Variants in SDK1 observed in about 807,000 individuals in gnomAD.
SDK1 encodes the protein protein sidekick-1.
A neutral mutation model predicts 245.5 loss-of-function variants in SDK1; 157 were observed. The observed-to-expected ratio is 0.64, with a 90% CI of 0.56 to 0.73. The LOEUF is 0.73. Ranked by LOEUF, SDK1 falls within the 30% of genes least tolerant of loss-of-function variation. The pLI, the probability that SDK1 is intolerant of heterozygous loss-of-function variation, is 0.00. For synonymous variants in SDK1, 1,647 were observed against 1,278.5 expected (o/e 1.29, Z -6.15); for missense variants, 3,583 against 3,002.3 (o/e 1.19, Z -4.52).
chr7:4,189,252 C>T (rs1398051254), intron 35 of SDK1, among the ~76,000 whole-genome samples: 1 of 151,894 alleles, frequency 6.6e-6, no homozygotes, highest in Non-Finnish European at 1.5e-5. Context: ...TCATTCCTGG[C>T]AGTTTTATTG....
chr7:3,767,228 A>G (rs1418160143), intron 4 of SDK1, among the ~76,000 whole-genome samples: 1 of 152,170 alleles, frequency 6.6e-6, no homozygotes, highest in Non-Finnish European at 1.5e-5. Context: ...AGGTAGAGTC[A>G]GAAGACCACT....
chr7:3,308,668 G>T (rs957623154), intron 1 of SDK1, among the ~76,000 whole-genome samples: 112 of 152,136 alleles, frequency 7.4e-4, no homozygotes, highest in African/African-American at 2.6e-3. Context: ...TTTTTAAATG[G>T]ATAAGGCTAG....
intron 4 of SDK1, among the ~76,000 whole-genome samples, chr7:3,649,876 G>A (rs1782954933): frequency 6.6e-6 from 1 of 151,760 alleles, no homozygotes; most frequent in African/African-American, 2.4e-5. Flanking sequence ...AGGCACAGAG[G>A]CCAGAAACAG....
At chr7:3,874,935 T>G (rs1319527046) in intron 5 of SDK1, among the ~76,000 whole-genome samples, 1 of 152,184 alleles carries the variant, frequency 6.6e-6, no homozygotes, top group Non-Finnish European at 1.5e-5. Context: ...GAAGCTGTCT[T>G]AGGTTTCTCA....
chr7:3,454,666 G>C (rs560967216), intron 1 of SDK1, among the ~76,000 whole-genome samples: 3 of 152,052 alleles, frequency 2.0e-5, no homozygotes, highest in Non-Finnish European at 4.4e-5. Context: ...CTGATTTGTT[G>C]TGTTTATCAA....
At chr7:3,315,850 G>C (rs1235093963) in intron 1 of SDK1, among the ~76,000 whole-genome samples, 3 of 152,110 alleles carry the variant, frequency 2.0e-5, no homozygotes, top group Non-Finnish European at 4.4e-5. Flanking sequence ...TCCTATTTGA[G>C]GGAACTTGAA....
At chr7:3,910,382 G>C (rs370184000) in intron 5 of SDK1, among the ~76,000 whole-genome samples, 1 of 152,202 alleles carries the variant, frequency 6.6e-6, no homozygotes, top group Non-Finnish European at 1.5e-5. Flanking sequence ...TGGAGAATTT[G>C]CATGTGTAGG....
chr7:3,334,641 C>G (rs1780153342), intron 1 of SDK1, among the ~76,000 whole-genome samples: 1 of 152,152 alleles, frequency 6.6e-6, no homozygotes, highest in South Asian at 2.1e-4. Flanking sequence ...ATCCAGGGCA[C>G]TCTACTTTCC....
intron 1 of SDK1, among the ~76,000 whole-genome samples, chr7:3,494,676 TAAAG>T (rs1325363559): frequency 1.3e-5 from 2 of 152,220 alleles, no homozygotes; most frequent in Non-Finnish European, 2.9e-5. Context: ...TATACTCTGT[TAAAG>T]AAGTCAGAGA....
intron 1 of SDK1, among the ~76,000 whole-genome samples, chr7:3,322,580 A>G (rs1019840472): frequency 1.6e-4 from 25 of 152,160 alleles, no homozygotes; most frequent in South Asian, 6.2e-4. Context: ...AAATGGAACA[A>G]TTTCCACCAA....
intron 1 of SDK1, among the ~76,000 whole-genome samples, chr7:3,499,301 T>G (rs537004257): frequency 6.6e-6 from 1 of 152,376 alleles, no homozygotes; most frequent in South Asian, 2.1e-4. Flanking sequence ...AGGCACTAAC[T>G]TGCTATATTA....
chr7:3,470,338 A>T (rs1781141501), intron 1 of SDK1, among the ~76,000 whole-genome samples: 1 of 152,146 alleles, frequency 6.6e-6, no homozygotes, highest in African/African-American at 2.4e-5. Flanking sequence ...TGCCTCAGAG[A>T]TAGTCAAGGT....
In SDK1 at chr7:3,432,862, C is replaced by G. The variant is rs189162638; in HGVS notation, c.298+130978C>G. Among the ~76,000 whole-genome samples the G allele has an allele frequency of 6.6e-5, 10 of 152,244 alleles. No homozygotes were observed. In the East Asian group the frequency reaches 1.9e-3, roughly 29 times the overall value. On this transcript the variant is annotated intron_variant, in intron 1 of 44. Coordinates refer to ENST00000404826, the MANE Select transcript of SDK1 (RefSeq NM_152744.4). ...TGAAAGAGATTTCTCCTAAACCAGC[C>G]TGAAAAATTGCTTTTCTAGGAAGAA...
At chr7:3,312,569 GTT>G (rs10706655) in intron 1 of SDK1, among the ~76,000 whole-genome samples, 1 of 150,966 alleles carries the variant, frequency 6.6e-6, no homozygotes, top group Non-Finnish European at 1.5e-5. Flanking sequence ...GTCATTAAGT[GTT>G]TTTTTTTAAA....
At chr7:3,798,592 C>G (rs192602575) in intron 4 of SDK1, among the ~76,000 whole-genome samples, 1 of 152,244 alleles carries the variant, frequency 6.6e-6, no homozygotes, top group East Asian at 1.9e-4. Flanking sequence ...CTGATGGTTT[C>G]TCACGATCAA....
chr7:3,583,386 A>G (rs924306919), intron 1 of SDK1, among the ~76,000 whole-genome samples: 1 of 152,176 alleles, frequency 6.6e-6, no homozygotes, highest in African/African-American at 2.4e-5. Context: ...CATAAAGGAT[A>G]TTTTATTTAC....
chr7:4,052,454 A>G (rs575940288), intron 19 of SDK1, among the ~76,000 whole-genome samples: 2 of 152,332 alleles, frequency 1.3e-5, no homozygotes, highest in East Asian at 3.9e-4. Flanking sequence ...CAGATGTTCC[A>G]GATGGGGAGA....
intron 14 of SDK1, among the ~76,000 whole-genome samples, chr7:4,006,429 C>T (rs1785492236): frequency 6.6e-6 from 1 of 152,206 alleles, no homozygotes; most frequent in Non-Finnish European, 1.5e-5. Flanking sequence ...ACCTCCCAGC[C>T]TCCAAGACAA....
At chr7:3,412,022 T>C (rs1779223819) in intron 1 of SDK1, among the ~76,000 whole-genome samples, 1 of 152,126 alleles carries the variant, frequency 6.6e-6, no homozygotes, top group Non-Finnish European at 1.5e-5. Flanking sequence ...TAAAATTTCA[T>C]TAGAAGAAAG....
Sources: gnomAD v4.1 joint callset for allele counts (sites outside exome capture counted in the v4.1 genomes callset) on GRCh38, gnomAD v4.1.1 for gene constraint, MANE v1.5 for transcripts, NCBI Gene and HGNC (gene_info 2026-07-23, HGNC 2026-07-21) for gene names.